Variants in PTPRR observed in about 807,000 individuals in gnomAD.
PTPRR encodes the protein protein tyrosine phosphatase receptor type R.
PTPRR carries 38 observed loss-of-function variants against 77.2 expected under a neutral mutation model. The observed-to-expected ratio is 0.49, with a 90% CI of 0.38 to 0.65. The LOEUF is 0.65. Ranked by LOEUF, PTPRR falls within the 30% of genes least tolerant of loss-of-function variation. The pLI, the probability that PTPRR is intolerant of heterozygous loss-of-function variation, is 0.00. For synonymous variants in PTPRR, 299 were observed against 283.1 expected (o/e 1.06, Z -0.57); for missense variants, 744 against 799.2 (o/e 0.93, Z 0.83).
intron 2 of PTPRR, among the ~76,000 whole-genome samples, chr12:70,883,283 T>C (rs75373788): frequency 0.014 from 2,136 of 152,038 alleles, 55 homozygotes; most frequent in African/African-American, 0.048. Flanking sequence ...ATAAAAAAGA[T>C]AATGAAACAC....
chr12:70,776,848 T>C (rs1891099398), intron 2 of PTPRR, among the ~76,000 whole-genome samples: 1 of 152,188 alleles, frequency 6.6e-6, no homozygotes, highest in South Asian at 2.1e-4. Context: ...TGTGTTGGAC[T>C]TTAGGATTTT....
intron 2 of PTPRR, among the ~76,000 whole-genome samples, chr12:70,823,068 C>A (rs939258586): frequency 2.0e-5 from 3 of 150,934 alleles, no homozygotes; most frequent in Non-Finnish European, 4.4e-5. Context: ...ACAAAGTTCT[C>A]TCTCTCTCTT....
At chr12:70,794,855 C>G (rs1891483826) in intron 2 of PTPRR, among the ~76,000 whole-genome samples, 1 of 152,054 alleles carries the variant, frequency 6.6e-6, no homozygotes, top group South Asian at 2.1e-4. Flanking sequence ...ACAGGAGACC[C>G]CATAGAAGGT....
At chr12:70,643,985 T>C (rs1342865806) in intron 13 of PTPRR, among the ~76,000 whole-genome samples, 1 of 152,126 alleles carries the variant, frequency 6.6e-6, no homozygotes, top group Non-Finnish European at 1.5e-5. Flanking sequence ...ATGTTAGAAC[T>C]AAAACATAAC....
intron 2 of PTPRR, among the ~76,000 whole-genome samples, chr12:70,833,653 G>T (rs952409556): frequency 6.6e-6 from 1 of 152,150 alleles, no homozygotes; most frequent in Non-Finnish European, 1.5e-5. Flanking sequence ...CTCAATTGGT[G>T]GGTACAAACA....
rs141680779 is a variant in PTPRR at position 70,754,208 on chromosome 12, T to C, written c.721A>G (p.Ile241Val). The change falls in exon 5 of 14, where the codon ATA becomes GTA. Residue 241 changes from isoleucine to valine, a missense_variant. Around this residue, in one of 3 missense-constraint regions of PTPRR, gnomAD observed 570 missense variants for 573.2 expected, o/e 0.99. Coordinates refer to ENST00000283228, the MANE Select transcript of PTPRR (RefSeq NM_002849.4). Reference sequence around the variant, plus strand: ...AAACTTACCATCAAACACGTTACTATAATAACAAAGATGCTGAGAAAAATG... The same window carrying C: ...AAACTTACCATCAAACACGTTACTACAATAACAAAGATGCTGAGAAAAATG... ...VVIFLSIFVI[I>V]VTCLMILYRL... The C allele has an allele frequency of 1.2e-5, 20 of 1,613,236 alleles. No individual in the cohort carries two copies. In the African/African-American group the frequency reaches 2.4e-4, roughly 19 times the overall value.
intron 2 of PTPRR, among the ~76,000 whole-genome samples, chr12:70,847,098 C>T (rs1268588080): frequency 1.3e-5 from 2 of 152,132 alleles, no homozygotes; most frequent in Admixed American, 1.3e-4. Flanking sequence ...ATGTGAAAAA[C>T]AAACGCCTGA....
chr12:70,777,003 G>A (rs1392550320), intron 2 of PTPRR, among the ~76,000 whole-genome samples: 1 of 151,940 alleles, frequency 6.6e-6, no homozygotes, highest in African/African-American at 2.4e-5. Flanking sequence ...CATATCTTGT[G>A]TATACTTCCA....
intron 1 of PTPRR, among the ~76,000 whole-genome samples, chr12:70,908,831 G>T (rs1346211267): frequency 1.3e-5 from 2 of 152,108 alleles, no homozygotes; most frequent in African/African-American, 4.8e-5. Flanking sequence ...TAATGGCACT[G>T]GGCTAAGGCT....
At chr12:70,756,597 T>C (rs1267979486) in intron 4 of PTPRR, among the ~76,000 whole-genome samples, 1 of 152,202 alleles carries the variant, frequency 6.6e-6, no homozygotes, top group Non-Finnish European at 1.5e-5. Flanking sequence ...ATCATCTTTA[T>C]GTTTTATTAT....
chr12:70,888,623 T>C (rs564177064), intron 2 of PTPRR, among the ~76,000 whole-genome samples: 4 of 152,334 alleles, frequency 2.6e-5, no homozygotes, highest in African/African-American at 9.6e-5. Context: ...CTTTCGCATT[T>C]CACCAGTTTA....
intron 2 of PTPRR, among the ~76,000 whole-genome samples, chr12:70,872,719 AAC>A (rs1208080446): frequency 2.9e-4 from 42 of 146,242 alleles, no homozygotes; most frequent in African/African-American, 9.2e-4. Context: ...AAAAAAAAAA[AAC>A]AATCCACCAA....
intron 10 of PTPRR, among the ~76,000 whole-genome samples, chr12:70,681,978 A>C (rs1342973347): frequency 6.7e-6 from 1 of 148,294 alleles, no homozygotes; most frequent in East Asian, 2.0e-4. Flanking sequence ...GGCCAGACTT[A>C]GGCGAATTTC....
intron 1 of PTPRR, among the ~76,000 whole-genome samples, chr12:70,903,769 G>T (rs1893578614): frequency 6.6e-6 from 1 of 151,674 alleles, no homozygotes; most frequent in Non-Finnish European, 1.5e-5. Context: ...CTCTGTGAAA[G>T]ATACTGTTAA....
rs117139303 is a variant in PTPRR, at chr12:70,717,538, G to A, written c.1008-16215C>T. Among the ~76,000 whole-genome samples, 229 of 152,202 alleles carry A rather than the reference G, an allele frequency of 1.5e-3. No individual in the cohort carries two copies. In the Middle Eastern group the frequency reaches 0.017, roughly 11 times the overall value. On this transcript the variant is annotated intron_variant, in intron 6 of 13. Transcript: ENST00000283228. ...TTGAGCAAACACAAGCACAAGACTCGCCCCAGTTAGATTTTGAAAAATAGC... is the reference window on the plus strand; with the variant it reads ...TTGAGCAAACACAAGCACAAGACTCACCCCAGTTAGATTTTGAAAAATAGC...
intron 2 of PTPRR, among the ~76,000 whole-genome samples, chr12:70,841,407 G>A (rs983772546): frequency 1.3e-5 from 2 of 151,960 alleles, no homozygotes; most frequent in African/African-American, 4.8e-5. Context: ...ATTACAGACC[G>A]GAAATCCTGC....
chr12:70,859,959 T>A (rs1373834419), intron 2 of PTPRR, among the ~76,000 whole-genome samples: 2 of 152,090 alleles, frequency 1.3e-5, no homozygotes, highest in East Asian at 3.8e-4. Context: ...TCTCCTTTAT[T>A]TTTTCTTCCT....
intron 6 of PTPRR, among the ~76,000 whole-genome samples, chr12:70,715,132 G>T (rs1888975308): frequency 6.6e-6 from 1 of 152,110 alleles, no homozygotes; most frequent in South Asian, 2.1e-4. Context: ...GAAATAAAGG[G>T]ACAGAGTACA....
At chr12:70,909,820 G>A (rs1390838035) in intron 1 of PTPRR, among the ~76,000 whole-genome samples, 7 of 152,250 alleles carry the variant, frequency 4.6e-5, no homozygotes, top group African/African-American at 1.7e-4. Context: ...GAGACTGACA[G>A]ATACTTTGTC....
Sources: gnomAD v4.1 joint callset for allele counts (sites outside exome capture counted in the v4.1 genomes callset) on GRCh38, gnomAD v4.1.1 for gene constraint, gnomAD v4.1.1 regional missense constraint, MANE v1.5 for transcripts, NCBI Gene and HGNC (gene_info 2026-07-23, HGNC 2026-07-21) for gene names.